Variants in CFAP299 observed in about 807,000 individuals in gnomAD.
CFAP299 encodes the protein cilia and flagella associated protein 299.
Under a neutral mutation model 27.0 loss-of-function variants are expected in CFAP299, and 21 were observed. The observed-to-expected ratio is 0.78, with a 90% CI of 0.55 to 1.12. The LOEUF is 1.12. CFAP299 is among the 50% of genes most tolerant of loss of function. The pLI is 0.00. For synonymous variants in CFAP299, 104 were observed against 98.1 expected (o/e 1.06, Z -0.36); for missense variants, 310 against 276.6 (o/e 1.12, Z -0.86).
intron 2 of CFAP299, among the ~76,000 whole-genome samples, chr4:80,419,076 A>G (rs1473757212): frequency 6.6e-6 from 1 of 152,192 alleles, no homozygotes; most frequent in African/African-American, 2.4e-5. Flanking sequence ...TCCTCAGAAG[A>G]AAGAATTTGA....
rs370673737 is a variant in CFAP299, at chr4:80,902,586, T to TATACACAC, written c.476+32452_476+32453insTACACACA. 6.2e-3 allele frequency among the ~76,000 whole-genome samples: 785 copies of TATACACAC among 126,694 alleles called. 9 individuals are homozygous for TATACACAC. Among genetic ancestry groups the TATACACAC allele is most frequent in the African/African-American group, 0.017 (559 of 33,740 alleles). The allele number at this position is 126,694 out of a possible 152,430, so 83.1% of individuals were successfully genotyped here. On this transcript the variant is annotated intron_variant, in intron 4 of 5. Transcript: ENST00000358105. Reference sequence around the variant, plus strand: ...ATTTTATCCATATATATGTAATATATACACACACACACACACACACACACA... The same window carrying TATACACAC: ...ATTTTATCCATATATATGTAATATATATACACACACACACACACACACACACACACACA...
chr4:80,583,949 T>C (rs1039537145), intron 3 of CFAP299, among the ~76,000 whole-genome samples: 6 of 151,960 alleles, frequency 3.9e-5, no homozygotes, highest in Admixed American at 2.0e-4. Flanking sequence ...ACCAATATTT[T>C]CTCAATAAAA....
chr4:80,808,710 G>A (rs1728990102), intron 3 of CFAP299, among the ~76,000 whole-genome samples: 1 of 152,006 alleles, frequency 6.6e-6, no homozygotes, highest in Non-Finnish European at 1.5e-5. Flanking sequence ...TAACTAATGT[G>A]ATTTTTCAAG....
chr4:80,503,739 C>A (rs932654808), intron 2 of CFAP299, among the ~76,000 whole-genome samples: 1 of 152,126 alleles, frequency 6.6e-6, no homozygotes, highest in Non-Finnish European at 1.5e-5. Context: ...AGGCTATCAG[C>A]CCCTTGAGAG....
intron 3 of CFAP299, among the ~76,000 whole-genome samples, chr4:80,587,739 G>A (rs1736521293): frequency 6.6e-6 from 1 of 152,050 alleles, no homozygotes; most frequent in Non-Finnish European, 1.5e-5. Flanking sequence ...CTACCAGCAT[G>A]TGTCACCACA....
intron 3 of CFAP299, among the ~76,000 whole-genome samples, chr4:80,605,675 C>A (rs1318419803): frequency 6.6e-6 from 1 of 152,028 alleles, no homozygotes; most frequent in African/African-American, 2.4e-5. Context: ...TTGTATGTCT[C>A]CTATTTAATA....
At position 80,896,664 on chromosome 4, in the gene CFAP299, C is replaced by A. The variant is rs1734625064; in HGVS notation, c.476+26529C>A. ...TTGAATGATAGTTTTTCTCTGCTTC[C>A]ATATGTAATAATAAAGGCAATGACT... is the stretch of plus-strand genomic sequence containing the variant. On this transcript the variant is annotated intron_variant, in intron 4 of 5. Transcript: ENST00000358105. Among the ~76,000 whole-genome samples, 5 of 152,054 alleles carry A rather than the reference C, an allele frequency of 3.3e-5. No individual in the cohort carries two copies. The South Asian group carries it at 1.0e-3, about 31-fold the overall frequency.
At chr4:80,961,892 A>C (rs143133929) in intron 5 of CFAP299, among the ~76,000 whole-genome samples, 2 of 152,128 alleles carry the variant, frequency 1.3e-5, no homozygotes, top group African/African-American at 4.8e-5. Flanking sequence ...CCATTTACAG[A>C]AATAACAATG....
intron 2 of CFAP299, among the ~76,000 whole-genome samples, chr4:80,486,117 A>G (rs571038472): frequency 3.7e-4 from 56 of 152,166 alleles, no homozygotes; most frequent in African/African-American, 1.3e-3. Context: ...TAGCCACATG[A>G]ATGACTATTA....
chr4:80,461,166 A>C (rs1236163641), intron 2 of CFAP299, among the ~76,000 whole-genome samples: 1 of 152,132 alleles, frequency 6.6e-6, no homozygotes, highest in East Asian at 1.9e-4. Flanking sequence ...TGGTCTTTTC[A>C]TGCAGATGAA....
intron 2 of CFAP299, among the ~76,000 whole-genome samples, chr4:80,504,613 T>C (rs1731923403): frequency 6.8e-6 from 1 of 147,228 alleles, no homozygotes; most frequent in African/African-American, 2.5e-5. Flanking sequence ...CAACACGTTA[T>C]ACTATTTTAG....
chr4:80,359,090 C>A (rs369399077), intron 1 of CFAP299, among the ~76,000 whole-genome samples: 7 of 151,994 alleles, frequency 4.6e-5, no homozygotes, highest in African/African-American at 1.7e-4. Context: ...CTTGGTTTGG[C>A]CAAATATGAA....
At chr4:80,387,239 C>A in intron 2 of CFAP299, 1 of 1,556,350 alleles carries the variant, frequency 6.4e-7, no homozygotes, top group East Asian at 2.2e-5. Context: ...GTCCTTGTTG[C>A]AGAAGTGGCC....
intron 4 of CFAP299, among the ~76,000 whole-genome samples, chr4:80,912,419 A>G (rs899737335): frequency 1.3e-5 from 2 of 152,138 alleles, no homozygotes; most frequent in Admixed American, 1.3e-4. Flanking sequence ...GAGACCTTGG[A>G]GAACACCTCA....
rs566851411 is a variant in CFAP299, at chr4:80,950,671, A to G, written c.606+5732A>G. ...GAAGGCAGAGGACCTCCTTGTGGCT[A>G]CAGAGAGGCTGTCAGCACAGATCAG... On this transcript the variant is annotated intron_variant, in intron 5 of 5. Coordinates refer to ENST00000358105, the MANE Select transcript of CFAP299 (RefSeq NM_152770.3). Among the ~76,000 whole-genome samples, 3 of 152,258 alleles carry G rather than the reference A, an allele frequency of 2.0e-5. No individual in the cohort carries two copies. The East Asian group carries it at 5.8e-4, about 30-fold the overall frequency.
chr4:80,602,125 C>T (rs961563766), intron 3 of CFAP299, among the ~76,000 whole-genome samples: 2 of 151,906 alleles, frequency 1.3e-5, no homozygotes, highest in African/African-American at 4.8e-5. Context: ...AGGCTAAATA[C>T]CTGAGTGATG....
At chr4:80,795,673 C>T (rs957736682) in intron 3 of CFAP299, among the ~76,000 whole-genome samples, 1 of 152,128 alleles carries the variant, frequency 6.6e-6, no homozygotes, top group Non-Finnish European at 1.5e-5. Flanking sequence ...ATACATACCA[C>T]TTCTATTTGA....
chr4:80,364,316 G>C (rs983876750), intron 2 of CFAP299, among the ~76,000 whole-genome samples: 1 of 151,940 alleles, frequency 6.6e-6, no homozygotes, highest in Non-Finnish European at 1.5e-5. Context: ...CAGTTCCTTG[G>C]TTGTCATTTG....
chr4:80,570,943 G>T (rs1481322653), intron 2 of CFAP299, among the ~76,000 whole-genome samples: 3 of 152,012 alleles, frequency 2.0e-5, no homozygotes, highest in Non-Finnish European at 2.9e-5. Context: ...AAATGCTAAA[G>T]AAACAATATA....
Sources: allele counts gnomAD v4.1 joint callset (sites outside exome capture counted in the v4.1 genomes callset), GRCh38; gene constraint gnomAD v4.1.1; transcripts MANE v1.5; gene names NCBI Gene and HGNC (gene_info 2026-07-23, HGNC 2026-07-21).